GSE1: variants seen among roughly 807,000 people sequenced by gnomAD.
GSE1 encodes the protein Gse1 coiled-coil protein.
Under a neutral mutation model 112.6 loss-of-function variants are expected in GSE1, and 32 were observed. That is an observed-to-expected ratio of 0.28 (90% CI 0.21 to 0.38). GSE1 has a LOEUF of 0.38. Ranked by LOEUF, GSE1 falls within the 10% of genes least tolerant of loss-of-function variation. The probability of loss-of-function intolerance (pLI) is 1.00; values close to 1 mark genes in which losing one functional copy is unlikely to be tolerated. For missense variants in GSE1, 2,348 were observed against 1,699.2 expected (o/e 1.38, Z -6.71); for synonymous variants, 1,115 against 735.6 (o/e 1.52, Z -8.35).
chr16:85,446,405 C>T (rs912629187), intron 2 of GSE1, among the ~76,000 whole-genome samples: 8 of 152,164 alleles, frequency 5.3e-5, no homozygotes, highest in Non-Finnish European at 8.8e-5. Flanking sequence ...GTGCTGGAGA[C>T]GATCTGCTGT....
At chr16:85,366,413 A>G (rs1433708831) in intron 2 of GSE1, among the ~76,000 whole-genome samples, 1 of 152,220 alleles carries the variant, frequency 6.6e-6, no homozygotes, top group African/African-American at 2.4e-5. Flanking sequence ...GCTGGGATCC[A>G]TAGTCTGTTT....
At chr16:85,616,422 C>A (rs932822521) in intron 1 of GSE1, among the ~76,000 whole-genome samples, 1 of 152,192 alleles carries the variant, frequency 6.6e-6, no homozygotes, top group East Asian at 1.9e-4. Flanking sequence ...TTTTTCCTGG[C>A]CCCATTTGAA....
intron 1 of GSE1, among the ~76,000 whole-genome samples, chr16:85,626,749 A>G (rs2049099532): frequency 6.6e-6 from 1 of 152,280 alleles, no homozygotes. Context: ...CCGGGATGAA[A>G]GGAAGCAGTA....
At chr16:85,251,726 G>A (rs1404561972) in intron 1 of GSE1, among the ~76,000 whole-genome samples, 1 of 152,324 alleles carries the variant, frequency 6.6e-6, no homozygotes, top group East Asian at 1.9e-4. Flanking sequence ...TTTTCTAAAC[G>A]CAAGCGGCTC....
chr16:85,447,131 C>T lies in GSE1; in HGVS notation c.2464+89488C>T, dbSNP rs141095857. ...CCTGCTGCTTTCTGGGCCTCCGTGT[C>T]ATGGGCCCTCCCAGCACCTGGGGCC... On this transcript the variant is annotated intron_variant, in intron 2 of 2. Transcript: ENST00000637419. Among the ~76,000 whole-genome samples, 7 of 152,338 alleles carry T rather than the reference C, an allele frequency of 4.6e-5. No homozygotes were observed. The East Asian group carries it at 1.2e-3, about 25-fold the overall frequency.
chr16:85,617,348 T>C (rs897105573), intron 1 of GSE1, among the ~76,000 whole-genome samples: 6 of 152,198 alleles, frequency 3.9e-5, no homozygotes, highest in Non-Finnish European at 8.8e-5. Context: ...TACCTTCACC[T>C]GCACCTACCA....
At position 85,310,330 on chromosome 16, in the gene GSE1, C is replaced by T. The variant is rs528495008; in HGVS notation, c.2284-47133C>T. Among the ~76,000 whole-genome samples the T allele has an allele frequency of 1.8e-4, 27 of 152,316 alleles. No homozygotes were observed. In the South Asian group the frequency reaches 1.9e-3, roughly 11 times the overall value. ...TGCATGGGATGTTTGTGAGGTTCAG[C>T]GCCTTAATATGTGTGAACCAGCTGG... On this transcript the variant is annotated intron_variant, in intron 1 of 2. Coordinates refer to the GSE1 transcript ENST00000637419.
intron 5 of GSE1, 85 bp from the exon 6 acceptor site, chr16:85,655,641 G>A (rs2051852835): frequency 3.7e-6 from 3 of 820,076 alleles, no homozygotes; most frequent in East Asian, 2.5e-5. Context: ...GCAGGTGTGT[G>A]TACCTGGCTG....
At chr16:85,607,512 A>ACCAGG (rs1168766620), upstream of GSE1, among the ~76,000 whole-genome samples, 2 of 152,180 alleles carry the variant, frequency 1.3e-5, no homozygotes, top group African/African-American at 4.8e-5. Flanking sequence ...GCGGATTGGA[A>ACCAGG]CCAGGCGCTG....
intron 2 of GSE1, among the ~76,000 whole-genome samples, chr16:85,635,665 G>A (rs1044625647): frequency 6.6e-6 from 1 of 152,200 alleles, no homozygotes; most frequent in Non-Finnish European, 1.5e-5. Flanking sequence ...GCGTTTGGGG[G>A]CAGGAGAACC....
intron 8 of GSE1, 39 bp downstream of exon 8, chr16:85,657,643 A>G: frequency 7.2e-7 from 1 of 1,390,066 alleles, no homozygotes; most frequent in East Asian, 2.5e-5. Flanking sequence ...ATGAGCCTTC[A>G]CGTTCCGATT....
chr16:85,434,689 G>T (rs757950750), intron 2 of GSE1, among the ~76,000 whole-genome samples: 13 of 152,148 alleles, frequency 8.5e-5, no homozygotes, highest in African/African-American at 3.1e-4. Flanking sequence ...ATGGTGGCAC[G>T]CATCTGTAAT....
At chr16:85,308,568 G>A (rs559171330) in intron 1 of GSE1, among the ~76,000 whole-genome samples, 1 of 152,134 alleles carries the variant, frequency 6.6e-6, no homozygotes, top group Admixed American at 6.5e-5. Flanking sequence ...AATCCACTCT[G>A]AACAGGAAAC....
At chr16:85,221,842 C>T (rs1046538576) in intron 1 of GSE1, among the ~76,000 whole-genome samples, 2 of 152,172 alleles carry the variant, frequency 1.3e-5, no homozygotes, top group African/African-American at 2.4e-5. Context: ...GGGCCAGAGC[C>T]CACGTCAGTC....
intron 15 of GSE1, chr16:85,672,113 C>G (rs2053394371): frequency 3.0e-6 from 1 of 335,348 alleles, no homozygotes; most frequent in Non-Finnish European, 5.9e-6. Flanking sequence ...ATTCTCCTGC[C>G]TCAGCCTCCC....
At chr16:85,462,950 C>T (rs867409493) in intron 2 of GSE1, 2 of 204,980 alleles carry the variant, frequency 9.8e-6, no homozygotes, top group African/African-American at 4.7e-5. Flanking sequence ...GGGCTCCATC[C>T]CCGTCTCCCC....
chr16:85,275,865 T>G (rs1295535028), intron 1 of GSE1, among the ~76,000 whole-genome samples: 2 of 152,250 alleles, frequency 1.3e-5, no homozygotes, highest in East Asian at 3.9e-4. Flanking sequence ...AAGCCCTCCC[T>G]GCCTGTTGGC....
chr16:85,410,951 C>T (rs2048515076), intron 2 of GSE1, among the ~76,000 whole-genome samples: 2 of 110,444 alleles, frequency 1.8e-5, no homozygotes, highest in Non-Finnish European at 3.4e-5. Context: ...CACTCAGGCC[C>T]CCGGATAATC....
At chr16:85,210,005 C>T (rs575996082) in intron 1 of GSE1, among the ~76,000 whole-genome samples, 1 of 152,346 alleles carries the variant, frequency 6.6e-6, no homozygotes, top group South Asian at 2.1e-4. Flanking sequence ...GACACGGTTA[C>T]AGTCTAAACT....
Sources: gnomAD v4.1 joint callset for allele counts (sites outside exome capture counted in the v4.1 genomes callset) on GRCh38, gnomAD v4.1.1 for gene constraint, MANE v1.5 for transcripts, NCBI Gene and HGNC (gene_info 2026-07-23, HGNC 2026-07-21) for gene names.